RPGRIP1: variants seen among roughly 807,000 people sequenced by gnomAD.
The protein encoded by RPGRIP1 is X-linked retinitis pigmentosa GTPase regulator-interacting protein 1.
RPGRIP1 carries 128 observed loss-of-function variants against 157.9 expected under a neutral mutation model. That is an observed-to-expected ratio of 0.81 (90% CI 0.70 to 0.94). The LOEUF (loss-of-function observed/expected upper bound fraction) is 0.94. Among genes scored for constraint, RPGRIP1 ranks in the 40% least tolerant of loss-of-function variants. RPGRIP1 has a pLI of 0.00. For missense variants in RPGRIP1, 1,486 were observed against 1,545.8 expected, an observed-to-expected ratio of 0.96 and a Z score of 0.65; for synonymous variants, 554 against 571.6, an observed-to-expected ratio of 0.97 and a Z score of 0.44.
At chr14:21,337,957 C>T (rs1335481573) in intron 21 of RPGRIP1, among the ~76,000 whole-genome samples, 1 of 151,800 alleles carries the variant, frequency 6.6e-6, no homozygotes, top group African/African-American at 2.4e-5. Context: ...TGCTCTGTCA[C>T]CCAGGCTAGA....
At chr14:21,350,968 T>C (rs1358647761) in intron 24 of RPGRIP1, 136 bp from the exon 25 acceptor site, 1 of 578,606 alleles carries the variant, frequency 1.7e-6, no homozygotes, top group Non-Finnish European at 3.1e-6. Context: ...ACCATTTTCC[T>C]TTCTCCTTCA....
At chr14:21,284,142 G>T (rs1880224204) in intron 1 of RPGRIP1, among the ~76,000 whole-genome samples, 1 of 152,116 alleles carries the variant, frequency 6.6e-6, no homozygotes, top group Non-Finnish European at 1.5e-5. Context: ...AAATTGCCCG[G>T]AAAGCAGATC....
intron 10 of RPGRIP1, among the ~76,000 whole-genome samples, chr14:21,316,124 CCG>C: frequency 6.6e-6 from 1 of 151,908 alleles, no homozygotes; most frequent in African/African-American, 2.4e-5. Context: ...ATTATAGGTG[CCG>C]GCCACCACAC....
At chr14:21,294,467 A>G (rs1263679339) in intron 2 of RPGRIP1, among the ~76,000 whole-genome samples, 2 of 152,026 alleles carry the variant, frequency 1.3e-5, no homozygotes, top group African/African-American at 4.8e-5. Context: ...TGACCTCACA[A>G]TCTGCCTGCC....
chr14:21,301,183 GGACACAGACAGCT>G lies in RPGRIP1; in HGVS notation c.437_449del (p.Gly146AlafsTer20). On this transcript the variant is annotated frameshift_variant, in exon 4 of 25. Coordinates refer to ENST00000400017, the MANE Select transcript of RPGRIP1 (RefSeq NM_020366.4). LOFTEE classifies it high-confidence loss of function. ...CCGCGCCCAGCCTCGCGTCCAAGTG[GGACACAGACAGCT>G]CCACACAGCCGGTGCACCGGTGCCG... is the stretch of plus-strand genomic sequence containing the variant. The G allele has an allele frequency of 6.3e-7, 1 of 1,595,820 alleles. No individual in the cohort carries two copies. The highest frequency in any genetic ancestry group is 8.5e-7 in the Non-Finnish European group (1 of 1,171,952).
intron 21 of RPGRIP1, among the ~76,000 whole-genome samples, chr14:21,336,117 A>T (rs1436725886): frequency 1.3e-5 from 2 of 152,238 alleles, no homozygotes; most frequent in Non-Finnish European, 2.9e-5. Flanking sequence ...TTTCTTTTGT[A>T]GAGGTTGGAA....
At position 21,326,026 on chromosome 14, in the gene RPGRIP1, G is replaced by C. The variant is rs1566344792; in HGVS notation, c.2563G>C (p.Val855Leu). 5 of 1,614,002 alleles carry C rather than the reference G, an allele frequency of 3.1e-6. No individual in the cohort carries two copies. The highest frequency in any genetic ancestry group is 4.2e-6 in the Non-Finnish European group (5 of 1,179,884). The change falls in exon 17 of 25, where the codon GTG becomes CTG. Residue 855 changes from valine to leucine, a missense_variant. Physicochemically the swap from Val to Leu is conservative, Grantham distance 32. Transcript: ENST00000400017. ...CTTTAGAGACCAGGCTCGATTCCCA[G>C]TGCTTGTGACCTCTGACCTGGACCA... is the stretch of plus-strand genomic sequence containing the variant. ...PYFRDQARFP[V>L]LVTSDLDHYL...
rs1040904 is a variant in RPGRIP1, at chr14:21,301,034, C to G, written c.287C>G (p.Pro96Arg). Reference protein sequence around the residue: ...RDLRVAEEAAPLSETARRGQK... With the variant: ...RDLRVAEEAARLSETARRGQK... ...CTGCGGGTCGCGGAGGAGGCGGCGC[C>G]GCTCTCGGAGACCGCAAGGCGCGGG... Residue 96 changes from proline (P) to arginine (R), a missense_variant, in exon 4 of 25, where the codon CCG becomes CGG. Coordinates refer to ENST00000400017, the MANE Select transcript of RPGRIP1 (RefSeq NM_020366.4). 4 of 1,612,414 alleles carry G rather than the reference C, an allele frequency of 2.5e-6. No individual in the cohort carries two copies. The highest frequency in any genetic ancestry group is 2.5e-6 in the Non-Finnish European group (3 of 1,179,342).
intron 24 of RPGRIP1, among the ~76,000 whole-genome samples, chr14:21,348,870 AGACTGGTCTCGAACTCCT>A (rs1885845228): frequency 6.6e-6 from 1 of 151,946 alleles, no homozygotes; most frequent in Non-Finnish European, 1.5e-5. Flanking sequence ...CATGTTGGCC[AGACTGGTCTCGAACTCCT>A]GACCTCAAGT....
chr14:21,350,372 T>G (rs1401378459), intron 24 of RPGRIP1, among the ~76,000 whole-genome samples: 3 of 58,466 alleles, frequency 5.1e-5, no homozygotes, highest in African/African-American at 2.8e-4. Flanking sequence ...CAAGACTCTG[T>G]CTCCAAAAAA....
At chr14:21,315,689 G>T (rs1881755934) in intron 10 of RPGRIP1, among the ~76,000 whole-genome samples, 1 of 151,944 alleles carries the variant, frequency 6.6e-6, no homozygotes, top group Non-Finnish European at 1.5e-5. Context: ...ATTACTATTT[G>T]CCTCTCCCCT....
chr14:21,303,678 C>A (rs1374981413), intron 6 of RPGRIP1, 135 bp downstream of exon 6: 8 of 685,258 alleles, frequency 1.2e-5, no homozygotes, highest in Non-Finnish European at 2.0e-5. Flanking sequence ...GACACGGAGT[C>A]CCTCGTAGGT....
intron 10 of RPGRIP1, among the ~76,000 whole-genome samples, chr14:21,317,252 C>G: frequency 6.6e-6 from 1 of 152,170 alleles, no homozygotes; most frequent in East Asian, 1.9e-4. Context: ...CGCCCTTCAG[C>G]ATAGTAATTT....
intron 18 of RPGRIP1, among the ~76,000 whole-genome samples, chr14:21,328,222 C>T (rs146832606): frequency 8.6e-4 from 131 of 151,880 alleles, no homozygotes; most frequent in African/African-American, 2.9e-3. Flanking sequence ...GTCCTGTGAA[C>T]TTAATATATA....
intron 14 of RPGRIP1, among the ~76,000 whole-genome samples, chr14:21,323,401 A>G (rs1248093443): frequency 6.6e-6 from 1 of 152,046 alleles, no homozygotes; most frequent in Non-Finnish European, 1.5e-5. Context: ...AGCCTAGGCA[A>G]CAAGAGCGAA....
chr14:21,334,523 G>C, intron 20 of RPGRIP1, 82 bp from the exon 21 acceptor site: 3 of 903,262 alleles, frequency 3.3e-6, no homozygotes, highest in Non-Finnish European at 5.4e-6. Flanking sequence ...CCAGACAGTG[G>C]ATTGGAGATG....
intron 12 of RPGRIP1, among the ~76,000 whole-genome samples, chr14:21,320,797 C>T (rs1307969559): frequency 6.6e-6 from 1 of 151,794 alleles, no homozygotes; most frequent in Non-Finnish European, 1.5e-5. Flanking sequence ...GACAGGGTTT[C>T]GCCATTTTGG....
intron 21 of RPGRIP1, among the ~76,000 whole-genome samples, chr14:21,342,659 G>A (rs1206427837): frequency 6.6e-6 from 1 of 151,954 alleles, no homozygotes; most frequent in Non-Finnish European, 1.5e-5. Context: ...GTGAAGCCTG[G>A]AGCGACGCAC....
chr14:21,350,244 C>T (rs563235511), intron 24 of RPGRIP1, among the ~76,000 whole-genome samples: 6 of 151,930 alleles, frequency 3.9e-5, no homozygotes, highest in East Asian at 1.9e-4. Context: ...CCAGGCATGG[C>T]GGCGGACACC....
Sources: allele counts gnomAD v4.1 joint callset (sites outside exome capture counted in the v4.1 genomes callset), GRCh38; gene constraint gnomAD v4.1.1; transcripts MANE v1.5; gene names NCBI Gene and HGNC (gene_info 2026-07-23, HGNC 2026-07-21).